The following OTUD7A variants were observed in gnomAD, a reference collection of about 807,000 sequenced individuals.
The protein encoded by OTUD7A is OTU domain-containing protein 7A.
Under a neutral mutation model 65.7 loss-of-function variants are expected in OTUD7A, and 12 were observed. That is an observed-to-expected ratio of 0.18 (90% confidence interval 0.12 to 0.30). The LOEUF is 0.30. OTUD7A is among the 10% of genes least tolerant of loss of function. The probability of loss-of-function intolerance (pLI) is 1.00; values close to 1 mark genes in which losing one functional copy is unlikely to be tolerated. For synonymous variants in OTUD7A, 641 were observed against 586.3 expected (o/e 1.09, Z -1.35); for missense variants, 1,148 against 1,304.8 (o/e 0.88, Z 1.85).
intron 1 of OTUD7A, among the ~76,000 whole-genome samples, chr15:31,719,814 T>C (rs1050364676): frequency 4.0e-4 from 61 of 152,242 alleles, no homozygotes; most frequent in African/African-American, 1.4e-3. Flanking sequence ...CTCTCTGATA[T>C]AAACTACTTC....
At chr15:31,538,182 T>C (rs1887867952) in intron 5 of OTUD7A, among the ~76,000 whole-genome samples, 1 of 152,200 alleles carries the variant, frequency 6.6e-6, no homozygotes, top group Admixed American at 6.5e-5. Flanking sequence ...CCCTGAATGA[T>C]GCAGTGTGAG....
At chr15:31,546,519 GAAGA>G (rs1888136474) in intron 5 of OTUD7A, among the ~76,000 whole-genome samples, 1 of 152,186 alleles carries the variant, frequency 6.6e-6, no homozygotes, top group Admixed American at 6.5e-5. Context: ...GGCATGCACT[GAAGA>G]AAGACCATGT....
In OTUD7A at chr15:31,709,242, G is replaced by A. The variant is rs373871626; in HGVS notation, c.-99-52165C>T. Among the ~76,000 whole-genome samples the A allele has an allele frequency of 1.1e-4, 16 of 152,230 alleles. No homozygotes were observed. In the South Asian group the frequency reaches 3.3e-3, roughly 32 times the overall value. On this transcript the variant is annotated intron_variant, in intron 1 of 12. Transcript: ENST00000307050. ...ATCCCCAAGACTCAGGGCTGGAAAA[G>A]CAGGACTGGCAGACTCAGAAGCAGA...
At chr15:31,785,805 T>A (rs1595767216) in intron 1 of OTUD7A, among the ~76,000 whole-genome samples, 1 of 152,198 alleles carries the variant, frequency 6.6e-6, no homozygotes, top group East Asian at 1.9e-4. Flanking sequence ...AGTTTCCTCA[T>A]CCACAAAGTG....
rs532332056 is a variant in OTUD7A at position 31,858,320 on chromosome 15, C to T, written c.-100+12187G>A. On this transcript the variant is annotated intron_variant, in intron 1 of 12. Transcript: ENST00000307050. ...GTTCTGGGAGGCCTGAATGCCTGAG[C>T]CCTGAGGTCCAATGCCTCTTGCTGT... 2.3e-4 allele frequency among the ~76,000 whole-genome samples: 35 copies of T among 152,300 alleles called. No homozygotes were observed. In the South Asian group the frequency reaches 7.1e-3, roughly 31 times the overall value.
At chr15:31,516,815 C>A (rs984729199) in intron 8 of OTUD7A, among the ~76,000 whole-genome samples, 2 of 152,196 alleles carry the variant, frequency 1.3e-5, no homozygotes, top group African/African-American at 4.8e-5. Flanking sequence ...TTAATCCCTG[C>A]CTCAATGTGA....
At chr15:31,520,132 A>C (rs2041917928) in intron 8 of OTUD7A, among the ~76,000 whole-genome samples, 1 of 152,232 alleles carries the variant, frequency 6.6e-6, no homozygotes, top group East Asian at 1.9e-4. Context: ...ACAGGATTAT[A>C]AAAAACAATA....
rs143139436 is a variant in OTUD7A, at chr15:31,533,926, G to C, written c.551-3118C>G. 3.4e-3 allele frequency among the ~76,000 whole-genome samples: 511 copies of C among 152,264 alleles called. 1 individual carries two copies. Among genetic ancestry groups the C allele is most frequent in the Non-Finnish European group, 4.2e-3 (287 of 68,018 alleles). On this transcript the variant is annotated intron_variant, in intron 5 of 12. Coordinates refer to ENST00000307050, the MANE Select transcript of OTUD7A (RefSeq NM_001382637.1). ...AATAAAGAAGCAAAAAGGCAGGTAA[G>C]GTTTATATGCTTCACCAATAGTAGT...
At chr15:31,804,880 G>C (rs1200394520) in intron 1 of OTUD7A, among the ~76,000 whole-genome samples, 1 of 152,234 alleles carries the variant, frequency 6.6e-6, no homozygotes, top group Non-Finnish European at 1.5e-5. Context: ...TTTCTGTTAA[G>C]CTCTAGGAGA....
chr15:31,772,201 G>A (rs1023723359), intron 1 of OTUD7A, among the ~76,000 whole-genome samples: 4 of 144,612 alleles, frequency 2.8e-5, no homozygotes, highest in Middle Eastern at 3.8e-3. Flanking sequence ...GCAGTGAGCC[G>A]AGATCCCGCC....
chr15:31,536,142 A>C (rs896907201), intron 5 of OTUD7A, among the ~76,000 whole-genome samples: 10 of 152,210 alleles, frequency 6.6e-5, no homozygotes, highest in Non-Finnish European at 1.0e-4. Flanking sequence ...AGGCAAAGGT[A>C]ATCTCCAGGC....
intron 3 of OTUD7A, chr15:31,649,793 C>T (rs529091343): frequency 7.0e-4 from 307 of 438,440 alleles, no homozygotes; most frequent in African/African-American, 4.9e-3. Flanking sequence ...CAGGCAGCAG[C>T]GACCGGGCTC....
intron 3 of OTUD7A, among the ~76,000 whole-genome samples, chr15:31,633,859 G>A (rs751773808): frequency 3.9e-5 from 6 of 152,154 alleles, no homozygotes; most frequent in African/African-American, 7.2e-5. Context: ...AGGTCCTGAC[G>A]GCTCCCCTAG....
At chr15:31,728,821 T>C (rs2141358118) in intron 1 of OTUD7A, among the ~76,000 whole-genome samples, 1 of 152,386 alleles carries the variant, frequency 6.6e-6, no homozygotes, top group East Asian at 1.9e-4. Context: ...TCTTTTATTA[T>C]ACTGTGACGT....
chr15:31,513,669 C>G (rs2041796550), intron 8 of OTUD7A, among the ~76,000 whole-genome samples: 1 of 152,186 alleles, frequency 6.6e-6, no homozygotes, highest in Non-Finnish European at 1.5e-5. Flanking sequence ...CTTGTGACAT[C>G]TTATCAGGTT....
intron 1 of OTUD7A, among the ~76,000 whole-genome samples, chr15:31,860,247 G>T (rs1759912989): frequency 6.6e-6 from 1 of 152,142 alleles, no homozygotes; most frequent in Non-Finnish European, 1.5e-5. Context: ...AAATTATCTG[G>T]TTTTTGTTTA....
intron 3 of OTUD7A, among the ~76,000 whole-genome samples, chr15:31,571,246 A>G (rs1237871246): frequency 6.6e-6 from 1 of 152,236 alleles, no homozygotes; most frequent in African/African-American, 2.4e-5. Flanking sequence ...TCAAAGAATT[A>G]AAAACTTAGC....
intron 1 of OTUD7A, among the ~76,000 whole-genome samples, chr15:31,660,524 T>C (rs985228155): frequency 1.3e-5 from 2 of 152,230 alleles, no homozygotes; most frequent in Non-Finnish European, 2.9e-5. Flanking sequence ...GTAGAGCACA[T>C]TATCATTTCC....
At chr15:31,867,824 C>G (rs1374600580) in intron 1 of OTUD7A, among the ~76,000 whole-genome samples, 1 of 152,022 alleles carries the variant, frequency 6.6e-6, no homozygotes, top group Admixed American at 6.5e-5. Context: ...TTCCAGACTC[C>G]ACAACCTCTG....
Sources: allele counts gnomAD v4.1 joint callset (sites outside exome capture counted in the v4.1 genomes callset), GRCh38; gene constraint gnomAD v4.1.1; transcripts MANE v1.5; gene names NCBI Gene and HGNC (gene_info 2026-07-23, HGNC 2026-07-21).